Variants in ANKRD6 observed in about 807,000 individuals in gnomAD.
ANKRD6 encodes ankyrin repeat domain-containing protein 6.
ANKRD6 carries 56 observed loss-of-function variants against 82.3 expected under a neutral mutation model. The observed-to-expected ratio is 0.68, with a 90% confidence interval of 0.55 to 0.85. ANKRD6 has a LOEUF of 0.85. Ranked by LOEUF, ANKRD6 falls within the 40% of genes least tolerant of loss-of-function variation. The probability of loss-of-function intolerance (pLI) is 0.00; values close to 1 mark genes in which losing one functional copy is unlikely to be tolerated. For synonymous variants in ANKRD6, 347 were observed against 352.1 expected, an observed-to-expected ratio of 0.99 and a Z score of 0.16; for missense variants, 852 against 907.6, an observed-to-expected ratio of 0.94 and a Z score of 0.79.
chr6:89,437,265 T>C (rs546059478), intron 1 of ANKRD6, among the ~76,000 whole-genome samples: 1 of 152,190 alleles, frequency 6.6e-6, no homozygotes, highest in Non-Finnish European at 1.5e-5. Context: ...GACATATCTT[T>C]CCCCCACCAG....
chr6:89,616,260 G>A (rs1397082763), intron 7 of ANKRD6: 11 of 364,684 alleles, frequency 3.0e-5, no homozygotes, highest in Middle Eastern at 8.0e-4. Context: ...GTCCTCGTGA[G>A]GCTTCAGGTC....
At chr6:89,556,768 A>G (rs367854712) in intron 1 of ANKRD6, among the ~76,000 whole-genome samples, 1 of 152,236 alleles carries the variant, frequency 6.6e-6, no homozygotes, top group East Asian at 1.9e-4. Flanking sequence ...TGTGGCGGGC[A>G]TTGAATAAAA....
chr6:89,611,171 A>AT (rs55967563), intron 5 of ANKRD6, among the ~76,000 whole-genome samples: 43,073 of 147,388 alleles, frequency 0.29, 6,640 homozygotes, highest in East Asian at 0.61. Context: ...GTATTCCTCT[A>AT]TTTTTTTTTT....
intron 5 of ANKRD6, among the ~76,000 whole-genome samples, chr6:89,608,311 C>A (rs980997389): frequency 6.7e-6 from 1 of 149,242 alleles, no homozygotes; most frequent in Non-Finnish European, 1.5e-5. Context: ...TTCTAGGTGG[C>A]AGTAGCCTGG....
chr6:89,555,359 A>G (rs1786450230), intron 1 of ANKRD6, among the ~76,000 whole-genome samples: 1 of 152,054 alleles, frequency 6.6e-6, no homozygotes, highest in Non-Finnish European at 1.5e-5. Flanking sequence ...TGAGATTTTA[A>G]AAATACATTA....
Position 89,631,061 on chromosome 6 carries a change from AT to A in ANKRD6, c.*58del. ...TGAAGATTTCCAGTTTTGCAACTGC[AT>A]AATAGCTATGCCCAAGGAGTCAACT... On this transcript the variant is annotated 3_prime_UTR_variant, in exon 16 of 16. Transcript: ENST00000339746. The A allele has an allele frequency of 6.9e-7, 1 of 1,452,492 alleles. No homozygotes were observed. Among genetic ancestry groups the A allele is most frequent in the Non-Finnish European group, 9.0e-7 (1 of 1,108,498 alleles). The allele number at this position is 1,452,492 out of a possible 1,614,324, so 90.0% of individuals were successfully genotyped here.
chr6:89,570,554 C>A (rs946977367), intron 2 of ANKRD6, among the ~76,000 whole-genome samples: 3 of 152,178 alleles, frequency 2.0e-5, no homozygotes, highest in South Asian at 4.1e-4. Flanking sequence ...ACACTAATTT[C>A]TCATTTCCTC....
At chr6:89,563,502 A>G (rs1787816799) in intron 1 of ANKRD6, among the ~76,000 whole-genome samples, 1 of 152,184 alleles carries the variant, frequency 6.6e-6, no homozygotes, top group African/African-American at 2.4e-5. Flanking sequence ...GGCAGAATAC[A>G]TTTCTCACTG....
chr6:89,591,666 A>G (rs1257668433), intron 2 of ANKRD6, among the ~76,000 whole-genome samples: 2 of 152,052 alleles, frequency 1.3e-5, no homozygotes, highest in Non-Finnish European at 2.9e-5. Context: ...TTTTGTTGCT[A>G]TTTACTACAG....
chr6:89,495,057 AC>A (rs1778437760), intron 1 of ANKRD6, among the ~76,000 whole-genome samples: 1 of 152,072 alleles, frequency 6.6e-6, no homozygotes, highest in Admixed American at 6.5e-5. Flanking sequence ...ACACAGTGAA[AC>A]CCCACCTCTA....
chr6:89,469,254 C>T (rs1775188174), intron 1 of ANKRD6, among the ~76,000 whole-genome samples: 1 of 152,082 alleles, frequency 6.6e-6, no homozygotes, highest in Admixed American at 6.6e-5. Context: ...ACCGTGATGC[C>T]TTTCATATCA....
At chr6:89,444,979 A>C (rs960236766) in intron 1 of ANKRD6, among the ~76,000 whole-genome samples, 17 of 152,114 alleles carry the variant, frequency 1.1e-4, no homozygotes, top group Non-Finnish European at 7.4e-5. Flanking sequence ...AAAAAAAAAA[A>C]TCTATGTAAG....
At chr6:89,481,627 T>C (rs914407944) in intron 1 of ANKRD6, among the ~76,000 whole-genome samples, 17 of 152,244 alleles carry the variant, frequency 1.1e-4, no homozygotes, top group Non-Finnish European at 2.9e-5. Context: ...TGTTGATAGC[T>C]GTTTTATAAT....
intron 1 of ANKRD6, among the ~76,000 whole-genome samples, chr6:89,479,220 T>A (rs958163450): frequency 1.3e-5 from 2 of 152,204 alleles, no homozygotes; most frequent in Admixed American, 1.3e-4. Context: ...TTCCCGGGGA[T>A]GTATCACTTG....
intron 1 of ANKRD6, among the ~76,000 whole-genome samples, chr6:89,496,178 C>T (rs910475458): frequency 3.6e-5 from 5 of 138,290 alleles, no homozygotes; most frequent in Admixed American, 1.4e-4. Context: ...TCCACACTGC[C>T]CCCCCCCCCA....
chr6:89,499,497 A>T (rs1289011949), intron 1 of ANKRD6, among the ~76,000 whole-genome samples: 1 of 152,018 alleles, frequency 6.6e-6, no homozygotes, highest in Non-Finnish European at 1.5e-5. Context: ...AATTTTAGGG[A>T]TAGGAAGTCC....
chr6:89,580,207 ATT>A (rs568680402), intron 2 of ANKRD6, among the ~76,000 whole-genome samples: 15 of 143,428 alleles, frequency 1.0e-4, no homozygotes, highest in African/African-American at 3.6e-4. Flanking sequence ...GAGAAACTTG[ATT>A]TTTTTTTTTT....
intron 1 of ANKRD6, among the ~76,000 whole-genome samples, chr6:89,529,052 C>A (rs1782840991): frequency 6.6e-6 from 1 of 152,238 alleles, no homozygotes; most frequent in Admixed American, 6.5e-5. Flanking sequence ...GCATTCACTT[C>A]ATTTAAAGTC....
At chr6:89,486,960 A>C (rs1777448477) in intron 1 of ANKRD6, among the ~76,000 whole-genome samples, 1 of 152,194 alleles carries the variant, frequency 6.6e-6, no homozygotes, top group Non-Finnish European at 1.5e-5. Flanking sequence ...TAGGGTTTAA[A>C]CATATGAATT....
Sources: allele counts gnomAD v4.1 joint callset (sites outside exome capture counted in the v4.1 genomes callset), GRCh38; gene constraint gnomAD v4.1.1; transcripts MANE v1.5; gene names NCBI Gene and HGNC (gene_info 2026-07-23, HGNC 2026-07-21).